The following C8G variants were observed in gnomAD, a reference collection of about 807,000 sequenced individuals.
C8G encodes the protein complement C8 gamma chain, also known as complement component C8 gamma chain.
A neutral mutation model predicts 29.1 loss-of-function variants in C8G; 38 were observed. The ratio of observed to expected loss-of-function variants is 1.31; its 90% CI spans 1.01 to 1.71. C8G has a LOEUF of 1.71. Among genes scored for constraint, C8G ranks in the 40% most tolerant of loss-of-function variants. The pLI is 0.00. For synonymous variants in C8G, 158 were observed against 113.2 expected, an observed-to-expected ratio of 1.40 and a Z score of -2.51; for missense variants, 300 against 267.4, an observed-to-expected ratio of 1.12 and a Z score of -0.85.
At position 136,945,352 on chromosome 9, in the gene C8G, C is replaced by G. The variant is rs747783357; in HGVS notation, c.32C>G (p.Thr11Ser). Residue 11 changes from threonine (T) to serine (S), a missense_variant, in exon 1 of 7, where the codon ACT (threonine) becomes AGT (serine). Coordinates refer to ENST00000371634, the MANE Select transcript of C8G (RefSeq NM_000606.3). MLPPGTATLLTLLLAAGSLGQ... is the reference protein window; with the variant it reads MLPPGTATLLSLLLAAGSLGQ... ...CCCCCTGGGACTGCGACCCTCTTGA[C>G]TCTGCTCCTGGCAGCTGGCTCGCTG... The G allele has an allele frequency of 1.6e-5, 26 of 1,613,064 alleles. No individual in the cohort carries two copies. The highest frequency in any genetic ancestry group is 8.8e-5 in the South Asian group (8 of 91,060).
chr9:136,946,278 T>C (rs1851036576), intron 4 of C8G, 86 bp downstream of exon 4: 1 of 1,375,270 alleles, frequency 7.3e-7, no homozygotes, highest in South Asian at 1.3e-5. Flanking sequence ...GGTGAGCCCA[T>C]GGGGACACAC....
intron 4 of C8G, 117 bp from the exon 5 acceptor site, chr9:136,946,348 G>T: frequency 7.0e-7 from 1 of 1,425,418 alleles, no homozygotes; most frequent in Middle Eastern, 1.8e-4. Context: ...GTGACAGACA[G>T]GCCTGGTGTG....
At position 136,945,254 on chromosome 9, in the gene C8G, C is replaced by T; in HGVS notation, c.-67C>T. The T allele has an allele frequency of 4.6e-6, 7 of 1,522,150 alleles. No individual in the cohort carries two copies. The highest frequency in any genetic ancestry group is 6.2e-6 in the Non-Finnish European group (7 of 1,133,184). The allele number at this position is 1,522,150 out of a possible 1,614,324, so 94.3% of individuals were successfully genotyped here. A position where few individuals can be genotyped will look rare whatever the true frequency, so the allele number is the denominator to read the frequency against. On this transcript the variant is annotated 5_prime_UTR_variant, in exon 1 of 7. Coordinates refer to ENST00000371634, the MANE Select transcript of C8G (RefSeq NM_000606.3). ...CTGGGCTCTGTGACAGCAGAGTAGA[C>T]TCTGTCCTGGGACTTGGTGGTGCTA...
chr9:136,946,045 A>G (rs369607853), intron 3 of C8G, 40 bp from the exon 4 acceptor site: 356 of 1,602,956 alleles, frequency 2.2e-4, no homozygotes, highest in South Asian at 4.5e-4. Context: ...TGACGCAGCC[A>G]CTGTGGCTCT....
Position 136,946,969 on chromosome 9 carries a change from G to A in C8G, c.*188G>A. 2 of 709,554 alleles carry A rather than the reference G, an allele frequency of 2.8e-6. No individual in the cohort carries two copies. The highest frequency in any genetic ancestry group is 4.8e-6 in the Non-Finnish European group (2 of 416,434). 44.0% of individuals were successfully genotyped at this position (709,554 alleles called of 1,614,324 possible). A position where few individuals can be genotyped will look rare whatever the true frequency, so the allele number is the denominator to read the frequency against. ...TGGTACCTACTTATTAAATGTCTCA[G>A]ACCCCTCTCTGACTCTTCTGTCCAC... On this transcript the variant is annotated 3_prime_UTR_variant, in exon 7 of 7. Transcript: ENST00000371634.
chr9:136,946,415 C>T (rs757490577), intron 4 of C8G, 50 bp from the exon 5 acceptor site: 13 of 1,523,676 alleles, frequency 8.5e-6, no homozygotes, highest in South Asian at 1.3e-5. Flanking sequence ...TTTCCAGAGC[C>T]CTCCACGCCG....
chr9:136,946,652 C>T lies in C8G; in HGVS notation c.558C>T (p.Gly186=), dbSNP rs766633923. ...CTGACCCCTGCCTTGGGCCCCCAGG[C>T]TTCTGCGAGGCTGCAGACCAGTTCC... ...EDQIFYFPKY[G]FCEAADQFHV... is the part of the protein sequence containing the mutation. Residue 186 remains glycine (G), a splice_region_variant and synonymous_variant, in exon 6 of 7, where the codon GGC becomes GGT. Coordinates refer to ENST00000371634, the MANE Select transcript of C8G (RefSeq NM_000606.3). 6.8e-6 allele frequency: 11 copies of T among 1,613,098 alleles called. No individual in the cohort carries two copies. The highest frequency in any genetic ancestry group is 8.5e-6 in the Non-Finnish European group (10 of 1,179,972).
In C8G at chr9:136,945,320, C is replaced by A; in HGVS notation, c.-1C>A. Reference sequence around the variant, plus strand: ...AGTCCTGCCACCCTGCTGCCGCCACCATGCTGCCCCCTGGGACTGCGACCC... The same window carrying A: ...AGTCCTGCCACCCTGCTGCCGCCACAATGCTGCCCCCTGGGACTGCGACCC... On this transcript the variant is annotated 5_prime_UTR_variant, in exon 1 of 7. Transcript: ENST00000371634. 1 of 1,600,128 alleles carries A rather than the reference C, an allele frequency of 6.2e-7. No individual in the cohort carries two copies. Among genetic ancestry groups the A allele is most frequent in the Non-Finnish European group, 8.5e-7 (1 of 1,171,204 alleles).
At position 136,945,790 on chromosome 9, in the gene C8G, T is replaced by TTTC; in HGVS notation, c.275+20_275+21insTTC. 1 of 1,544,932 alleles carries TTTC rather than the reference T, an allele frequency of 6.5e-7. No individual in the cohort carries two copies. The highest frequency in any genetic ancestry group is 2.4e-5 in the East Asian group (1 of 40,980). On this transcript the variant is annotated intron_variant, in intron 2 of 6. Transcript: ENST00000371634. ...AAAGCTGTGAGTCCCAGAGCAGCCC[T>TTTC]GCACCCTAACCCCAACCCTCCTCTC...
In C8G at chr9:136,946,917, G is replaced by A. The variant is rs117447141; in HGVS notation, c.*136G>A. 7,287 of 1,133,406 alleles carry A rather than the reference G, an allele frequency of 6.4e-3. 35 individuals are homozygous for A. Among genetic ancestry groups the A allele is most frequent in the Non-Finnish European group, 8.3e-3 (6,457 of 782,590 alleles). The allele number at this position is 1,133,406 out of a possible 1,614,324, so 70.2% of individuals were successfully genotyped here. A position where few individuals can be genotyped will look rare whatever the true frequency, so the allele number is the denominator to read the frequency against. ...CACCCAGGGCAGGGGATCTTCTGCC[G>A]GCTGCCCCAGAGGACAGTGGGTGGA... On this transcript the variant is annotated 3_prime_UTR_variant, in exon 7 of 7. Coordinates refer to ENST00000371634, the MANE Select transcript of C8G (RefSeq NM_000606.3).
chr9:136,945,825 A>C, intron 2 of C8G, 55 bp downstream of exon 2: 1 of 1,538,428 alleles, frequency 6.5e-7, no homozygotes, highest in Non-Finnish European at 8.8e-7. Flanking sequence ...CAGCCCCCGG[A>C]CTTCAGCCCT....
At position 136,946,155 on chromosome 9, in the gene C8G, C is replaced by T. The variant is rs752361945; in HGVS notation, c.417C>T (p.Tyr139=). ...ACTACCAGAGTTTCGCTGTCCTGTA[C>T]CTGGAGCGGGCGGGGCAGCTGTCAG... is the stretch of plus-strand genomic sequence containing the variant. The part of the protein sequence containing the change: ...ETDYQSFAVL[Y]LERAGQLSVK... The change falls in exon 4 of 7, where the codon TAC becomes TAT. Residue 139 remains tyrosine (Y), a synonymous_variant. Coordinates refer to ENST00000371634, the MANE Select transcript of C8G (RefSeq NM_000606.3). 5.1e-6 allele frequency: 8 copies of T among 1,574,312 alleles called. No homozygotes were observed. Among genetic ancestry groups the T allele is most frequent in the Non-Finnish European group, 6.9e-6 (8 of 1,158,172 alleles).
At chr9:136,945,539 G>C (rs974191872) in intron 1 of C8G, 81 bp downstream of exon 1, 112 of 1,546,240 alleles carry the variant, frequency 7.2e-5, no homozygotes, top group Non-Finnish European at 8.7e-5. Context: ...TGTTGCGGGG[G>C]AGAGGGAAGC....
rs574887058 is a variant in C8G, at chr9:136,945,710, C to T, written c.215C>T (p.Ala72Val). The T allele has an allele frequency of 1.3e-6, 2 of 1,589,682 alleles. No individual in the cohort carries two copies. Among genetic ancestry groups the T allele is most frequent in the Admixed American group, 1.8e-5 (1 of 57,056 alleles). The change falls in exon 2 of 7, where the codon GCC becomes GTC. Residue 72 changes from alanine to valine, a missense_variant. Physicochemically the swap from Ala to Val is moderately conservative, Grantham distance 64. Coordinates refer to ENST00000371634, the MANE Select transcript of C8G (RefSeq NM_000606.3). ...CAGGAGCAGGGCCACCGGGCCGAGG[C>T]CACCACACTGCATGTGGCTCCCCAG... ...FLQEQGHRAE[A>V]TTLHVAPQGT...
At position 136,946,932 on chromosome 9, in the gene C8G, C is replaced by T. The variant is rs1851057677; in HGVS notation, c.*151C>T. ...ATCTTCTGCCGGCTGCCCCAGAGGA[C>T]AGTGGGTGGAGTGGTACCTACTTAT... On this transcript the variant is annotated 3_prime_UTR_variant, in exon 7 of 7. Coordinates refer to ENST00000371634, the MANE Select transcript of C8G (RefSeq NM_000606.3). The T allele has an allele frequency of 2.1e-6, 2 of 950,506 alleles. No homozygotes were observed. The highest frequency in any genetic ancestry group is 1.6e-5 in the African/African-American group (1 of 61,774). 58.9% of individuals were successfully genotyped at this position (950,506 alleles called of 1,614,324 possible). A position where few individuals can be genotyped will look rare whatever the true frequency, so the allele number is the denominator to read the frequency against.
intron 6 of C8G, 37 bp from the exon 7 acceptor site, chr9:136,946,731 G>C: frequency 6.2e-7 from 1 of 1,609,364 alleles, no homozygotes; most frequent in Non-Finnish European, 8.5e-7. Flanking sequence ...TGGTGAGGGG[G>C]GCCACTGCCA....
At position 136,945,631 on chromosome 9, in the gene C8G, C is replaced by A. The variant is rs1243475337; in HGVS notation, c.139-3C>A. On this transcript the variant is annotated splice_region_variant and splice_polypyrimidine_tract_variant and intron_variant, in intron 1 of 6. Coordinates refer to ENST00000371634, the MANE Select transcript of C8G (RefSeq NM_000606.3). ...CTCGAGTTCTCCCATGGTCTGCCCC[C>A]AGTTTGCAGGGACCTGGCTCCTTGT... 2 of 1,609,378 alleles carry A rather than the reference C, an allele frequency of 1.2e-6. No homozygotes were observed. The highest frequency in any genetic ancestry group is 1.7e-5 in the Admixed American group (1 of 59,856).
At position 136,945,467 on chromosome 9, in the gene C8G, TGGGG is replaced by T; in HGVS notation, c.138+14_138+17del. The T allele has an allele frequency of 1.3e-6, 2 of 1,543,362 alleles. No individual in the cohort carries two copies. The highest frequency in any genetic ancestry group is 1.8e-6 in the Non-Finnish European group (2 of 1,139,530). On this transcript the variant is annotated intron_variant, in intron 1 of 6. Coordinates refer to ENST00000371634, the MANE Select transcript of C8G (RefSeq NM_000606.3). The stretch of plus-strand genomic sequence containing the variant: ...ATTTTGATGCTCAGCAGGTAGAAGT[TGGGG>T]GGGGTAGAGGGAGGCAGGTAGAAGT...
chr9:136,945,759 C>T lies in C8G; in HGVS notation c.264C>T (p.Thr88=), dbSNP rs750526678. 1.9e-6 allele frequency: 3 copies of T among 1,555,456 alleles called. No individual in the cohort carries two copies. Among genetic ancestry groups the T allele is most frequent in the African/African-American group, 1.4e-5 (1 of 73,692 alleles). The part of the protein sequence containing the change: ...APQGTAMAVS[T]FRKLDGICWQ... The stretch of plus-strand genomic sequence containing the variant: ...AGGGCACAGCCATGGCTGTCAGTAC[C>T]TTCCGAAAGCTGTGAGTCCCAGAGC... The change falls in exon 2 of 7, where the codon ACC becomes ACT. Residue 88 remains threonine (T), a synonymous_variant. Coordinates refer to ENST00000371634, the MANE Select transcript of C8G (RefSeq NM_000606.3).
Sources: allele counts gnomAD v4.1 joint callset, GRCh38; gene constraint gnomAD v4.1.1; transcripts MANE v1.5; gene names NCBI Gene and HGNC (gene_info 2026-07-23, HGNC 2026-07-21).